ACO1: variants seen among roughly 807,000 people sequenced by gnomAD.
The protein encoded by ACO1 is aconitase 1, also known as cytoplasmic aconitate hydratase.
ACO1 carries 78 observed loss-of-function variants against 105.1 expected under a neutral mutation model. That is an observed-to-expected ratio of 0.74 (90% CI 0.62 to 0.90). The LOEUF (loss-of-function observed/expected upper bound fraction) is 0.90. Among genes scored for constraint, ACO1 ranks in the 40% least tolerant of loss-of-function variants. The probability of loss-of-function intolerance (pLI) is 0.00; values close to 1 mark genes in which losing one functional copy is unlikely to be tolerated. For missense variants in ACO1, 965 were observed against 1,111.1 expected (o/e 0.87, Z 1.87); for synonymous variants, 364 against 397.4 (o/e 0.92, Z 1.00).
chr9:32,397,873 TTAGA>T (rs1821405040), intron 1 of ACO1, among the ~76,000 whole-genome samples: 1 of 152,144 alleles, frequency 6.6e-6, no homozygotes, highest in Admixed American at 6.6e-5. Flanking sequence ...TTAGGTGTCT[TTAGA>T]TAGCCCAAAA....
At chr9:32,401,675 G>T (rs1052485527) in intron 1 of ACO1, among the ~76,000 whole-genome samples, 1 of 152,212 alleles carries the variant, frequency 6.6e-6, no homozygotes, top group East Asian at 1.9e-4. Flanking sequence ...AGGTCAGTTG[G>T]TAGCAAGACT....
chr9:32,407,252 A>G lies in ACO1; in HGVS notation c.98-9A>G. ...AGGTTTTGTTTATTTTGTCATCCTT[A>G]ACTCTTAGGGCGCTTACCATTTTCG... On this transcript the variant is annotated splice_polypyrimidine_tract_variant and intron_variant, in intron 2 of 20. Transcript: ENST00000309951. 6.2e-7 allele frequency: 1 copy of G among 1,613,536 alleles called. No homozygotes were observed. The highest frequency in any genetic ancestry group is 8.5e-7 in the Non-Finnish European group (1 of 1,179,632).
At chr9:32,387,990 G>T (rs1206036861) in intron 1 of ACO1, among the ~76,000 whole-genome samples, 1 of 152,222 alleles carries the variant, frequency 6.6e-6, no homozygotes, top group Non-Finnish European at 1.5e-5. Context: ...AACTGTAGAG[G>T]ATTTGGAATC....
At chr9:32,414,075 C>T (rs1821798913) in intron 4 of ACO1, among the ~76,000 whole-genome samples, 1 of 152,068 alleles carries the variant, frequency 6.6e-6, no homozygotes, top group African/African-American at 2.4e-5. Flanking sequence ...ATGGCGTGAA[C>T]CCAGGAGGCG....
In ACO1 at chr9:32,426,198, C is replaced by T. The variant is rs115097215; in HGVS notation, c.1348+201C>T. On this transcript the variant is annotated intron_variant, in intron 11 of 20. Transcript: ENST00000309951. ...AGTTTTTAAAATCGAATGCACACTG[C>T]ATAATAGTCTCTCTTGAGAATTAAC... Among the ~76,000 whole-genome samples the T allele has an allele frequency of 7.2e-3, 1,097 of 152,306 alleles. 14 individuals are homozygous for T. Among genetic ancestry groups the T allele is most frequent in the African/African-American group, 0.024 (992 of 41,566 alleles).
In ACO1 at chr9:32,451,719, C is replaced by G. The variant is rs1364461809; in HGVS notation, c.*1608C>G. The G allele has an allele frequency of 6.6e-6, 1 of 152,130 alleles. No homozygotes were observed. The highest frequency in any genetic ancestry group is 1.5e-5 in the Non-Finnish European group (1 of 68,030). The allele number at this position is 152,130 out of a possible 1,614,324, so 9.4% of individuals were successfully genotyped here. A position where few individuals can be genotyped will look rare whatever the true frequency, so the allele number is the denominator to read the frequency against. On this transcript the variant is annotated 3_prime_UTR_variant, in exon 21 of 21. Coordinates refer to ENST00000309951, the MANE Select transcript of ACO1 (RefSeq NM_002197.3). ...GGATCAAGACAGGTTATTTAGCATC[C>G]CTGCACTTGCGGTCCTGGGGATCTT...
intron 19 of ACO1, 94 bp from the exon 20 acceptor site, chr9:32,448,802 C>A (rs537318813): frequency 7.4e-7 from 1 of 1,354,170 alleles, no homozygotes; most frequent in Non-Finnish European, 1.1e-6. Flanking sequence ...TCCTATTCGG[C>A]CATCATGCCA....
intron 8 of ACO1, 150 bp downstream of exon 8, chr9:32,421,177 TTTGGGA>T (rs747001703): frequency 7.9e-5 from 68 of 864,070 alleles, no homozygotes; most frequent in Non-Finnish European, 1.1e-4. Context: ...AAAATGGGTT[TTTGGGA>T]TTTAAGGAGT....
intron 3 of ACO1, among the ~76,000 whole-genome samples, chr9:32,407,648 C>T (rs1821645096): frequency 2.0e-5 from 3 of 152,146 alleles, no homozygotes; most frequent in South Asian, 2.1e-4. Context: ...AACTGAAACA[C>T]GCCACTTTTT....
chr9:32,450,486 G>T lies in ACO1; in HGVS notation c.*375G>T, dbSNP rs1175641437. On this transcript the variant is annotated 3_prime_UTR_variant, in exon 21 of 21. Coordinates refer to ENST00000309951, the MANE Select transcript of ACO1 (RefSeq NM_002197.3). ...AGGAGGTGTCTCCTACCCTCTTATT[G>T]TTCCTCTTACGCTCTGCTCAATGAA... The T allele has an allele frequency of 5.9e-6, 2 of 339,754 alleles. No individual in the cohort carries two copies. Among genetic ancestry groups the T allele is most frequent in the African/African-American group, 2.2e-5 (1 of 46,424 alleles). 21.0% of individuals were successfully genotyped at this position (339,754 alleles called of 1,614,324 possible). A position where few individuals can be genotyped will look rare whatever the true frequency, so the allele number is the denominator to read the frequency against.
At chr9:32,404,477 T>G (rs1315396737) in intron 1 of ACO1, among the ~76,000 whole-genome samples, 1 of 152,176 alleles carries the variant, frequency 6.6e-6, no homozygotes, top group Non-Finnish European at 1.5e-5. Context: ...TTGCCAACTT[T>G]TATAAGCCAA....
chr9:32,419,042 C>G lies in ACO1; in HGVS notation c.663C>G (p.Val221=), dbSNP rs199543469. The G allele has an allele frequency of 9.4e-6, 15 of 1,597,294 alleles. No individual in the cohort carries two copies. Among genetic ancestry groups the G allele is most frequent in the Non-Finnish European group, 1.0e-5 (12 of 1,170,706 alleles). ...CGGTCATGCCGTTCATTGCAGGTGT[C>G]GGTGGTATTGAAGCAGAAGCTGTCA... ...IDGLGILGWG[V]GGIEAEAVML... is the part of the protein sequence containing the mutation. Residue 221 remains valine (V), a synonymous_variant, in exon 7 of 21, where the codon GTC becomes GTG. Coordinates refer to ENST00000309951, the MANE Select transcript of ACO1 (RefSeq NM_002197.3).
At chr9:32,407,958 T>A (rs1200139387) in intron 3 of ACO1, among the ~76,000 whole-genome samples, 1 of 152,240 alleles carries the variant, frequency 6.6e-6, no homozygotes, top group Non-Finnish European at 1.5e-5. Flanking sequence ...AGATACTATA[T>A]TTCCATTTTT....
intron 8 of ACO1, 111 bp downstream of exon 8, chr9:32,421,138 T>TA: frequency 8.3e-7 from 1 of 1,205,276 alleles, no homozygotes; most frequent in Non-Finnish European, 1.2e-6. Flanking sequence ...GGGTTACAGT[T>TA]ACACAATTAT....
intron 19 of ACO1, among the ~76,000 whole-genome samples, chr9:32,444,951 C>A (rs1456427656): frequency 6.6e-6 from 1 of 152,178 alleles, no homozygotes; most frequent in Non-Finnish European, 1.5e-5. Flanking sequence ...AGCCTTGCAT[C>A]CCAGGGATGA....
intron 1 of ACO1, among the ~76,000 whole-genome samples, chr9:32,396,895 G>A (rs1455713567): frequency 5.3e-5 from 8 of 151,926 alleles, no homozygotes; most frequent in Non-Finnish European, 7.4e-5. Context: ...TTTTTAGATC[G>A]TTAACCAACC....
chr9:32,425,378 G>A (rs192593892), intron 10 of ACO1, among the ~76,000 whole-genome samples: 59 of 152,290 alleles, frequency 3.9e-4, no homozygotes, highest in African/African-American at 1.3e-3. Context: ...CTTTGTTTGC[G>A]TTGTTGATCA....
chr9:32,448,180 T>C (rs1822664220), intron 19 of ACO1, among the ~76,000 whole-genome samples: 1 of 152,098 alleles, frequency 6.6e-6, no homozygotes, highest in South Asian at 2.1e-4. Flanking sequence ...CCCAGGGAGA[T>C]GGGGGTGTTA....
At chr9:32,447,200 C>A (rs548437759) in intron 19 of ACO1, among the ~76,000 whole-genome samples, 1 of 152,182 alleles carries the variant, frequency 6.6e-6, no homozygotes, top group Admixed American at 6.5e-5. Flanking sequence ...CTTTCAAGTA[C>A]ACCATTCAAA....
Sources: gnomAD v4.1 joint callset for allele counts (sites outside exome capture counted in the v4.1 genomes callset) on GRCh38, gnomAD v4.1.1 for gene constraint, MANE v1.5 for transcripts, NCBI Gene and HGNC (gene_info 2026-07-23, HGNC 2026-07-21) for gene names.